Variants in SNX24 observed in about 807,000 individuals in gnomAD.
SNX24 encodes the protein sorting nexin-24.
SNX24 carries 22 observed loss-of-function variants against 28.7 expected under a neutral mutation model. The ratio of observed to expected loss-of-function variants is 0.77; its 90% CI spans 0.55 to 1.10. The LOEUF is 1.10. Ranked by LOEUF, SNX24 falls within the 50% of genes least tolerant of loss-of-function variation. SNX24 has a pLI of 0.00. For synonymous variants in SNX24, 69 were observed against 71.5 expected, an observed-to-expected ratio of 0.96 and a Z score of 0.18; for missense variants, 221 against 201.1, an observed-to-expected ratio of 1.10 and a Z score of -0.60.
At chr5:122,984,045 T>C (rs1009618112) in intron 3 of SNX24, among the ~76,000 whole-genome samples, 2 of 152,198 alleles carry the variant, frequency 1.3e-5, no homozygotes, top group African/African-American at 4.8e-5. Context: ...TATTAATTAG[T>C]GAAGAAATGC....
chr5:122,874,435 G>T (rs147243477), intron 1 of SNX24, among the ~76,000 whole-genome samples: 1 of 152,316 alleles, frequency 6.6e-6, no homozygotes, highest in Non-Finnish European at 1.5e-5. Flanking sequence ...AAAGCAGCTG[G>T]GTGAGATATC....
chr5:122,859,390 G>A (rs1473355385), intron 1 of SNX24, among the ~76,000 whole-genome samples: 1 of 152,110 alleles, frequency 6.6e-6, no homozygotes, highest in East Asian at 1.9e-4. Flanking sequence ...GATCCCTTGA[G>A]CCCAGGGATT....
intron 1 of SNX24, among the ~76,000 whole-genome samples, chr5:122,905,941 A>G (rs1757627952): frequency 6.6e-6 from 1 of 152,206 alleles, no homozygotes; most frequent in Non-Finnish European, 1.5e-5. Flanking sequence ...TTAAGTACCT[A>G]CTATGTGGTA....
chr5:122,943,418 A>C (rs907589539), intron 2 of SNX24, among the ~76,000 whole-genome samples: 4 of 152,040 alleles, frequency 2.6e-5, no homozygotes, highest in African/African-American at 7.2e-5. Flanking sequence ...ATCATCTGGC[A>C]CAGCCTGATC....
rs539155977 is a variant in SNX24 at position 122,857,123 on chromosome 5, C to T, written c.60+11430C>T. ...GCCTCCCGGGTTCAAGCAATGCTCC[C>T]GCCTCAGCCTCCCAAGTAGCTGAGA... On this transcript the variant is annotated intron_variant, in intron 1 of 6. Transcript: ENST00000261369. Among the ~76,000 whole-genome samples the T allele has an allele frequency of 1.1e-4, 16 of 151,766 alleles. No homozygotes were observed. The East Asian group carries it at 2.3e-3, about 22-fold the overall frequency.
At chr5:122,964,408 C>T (rs74999834) in intron 3 of SNX24, among the ~76,000 whole-genome samples, 3,493 of 152,138 alleles carry the variant, frequency 0.023, 120 homozygotes, top group African/African-American at 0.066. Flanking sequence ...TGTTAAACAC[C>T]TCACAATTCA....
At chr5:122,992,612 A>G (rs2150167748) in intron 3 of SNX24, among the ~76,000 whole-genome samples, 1 of 152,314 alleles carries the variant, frequency 6.6e-6, no homozygotes, top group Non-Finnish European at 1.5e-5. Context: ...CCTTCACCCT[A>G]CAGGTTAATA....
At chr5:122,897,199 G>A (rs1454602948) in intron 1 of SNX24, among the ~76,000 whole-genome samples, 2 of 152,022 alleles carry the variant, frequency 1.3e-5, no homozygotes, top group Non-Finnish European at 2.9e-5. Context: ...GTGTCACTGT[G>A]TACATTAAAT....
At chr5:122,865,237 C>T (rs1755661605) in intron 1 of SNX24, among the ~76,000 whole-genome samples, 1 of 152,246 alleles carries the variant, frequency 6.6e-6, no homozygotes, top group African/African-American at 2.4e-5. Context: ...TCCCTATCAA[C>T]TTGGTATTCA....
chr5:123,023,823 C>CAT, intron 5 of SNX24: 1 of 1,599,694 alleles, frequency 6.3e-7, no homozygotes, highest in South Asian at 1.1e-5. Flanking sequence ...CACACACACA[C>CAT]ACACACACAC....
At chr5:123,014,497 C>T (rs569857400) in intron 5 of SNX24, among the ~76,000 whole-genome samples, 4 of 151,980 alleles carry the variant, frequency 2.6e-5, no homozygotes, top group Non-Finnish European at 2.9e-5. Flanking sequence ...CAGACATGAA[C>T]GCTTAAATCA....
intron 2 of SNX24, among the ~76,000 whole-genome samples, chr5:122,945,627 T>A (rs1195274682): frequency 6.6e-6 from 1 of 152,224 alleles, no homozygotes; most frequent in East Asian, 1.9e-4. Context: ...ACAATACTTA[T>A]ATACAGTTGC....
intron 1 of SNX24, among the ~76,000 whole-genome samples, chr5:122,867,754 A>G (rs1755785565): frequency 6.6e-6 from 1 of 152,224 alleles, no homozygotes; most frequent in Admixed American, 6.5e-5. Flanking sequence ...TTTGGTGGGC[A>G]TTCACATGAG....
chr5:123,004,602 A>G (rs1762357588), intron 6 of SNX24, among the ~76,000 whole-genome samples: 1 of 151,648 alleles, frequency 6.6e-6, no homozygotes, highest in African/African-American at 2.4e-5. Context: ...CTCCATCTCA[A>G]CTCTGTCCTG....
At chr5:122,868,888 A>T (rs1755847807) in intron 1 of SNX24, among the ~76,000 whole-genome samples, 1 of 152,372 alleles carries the variant, frequency 6.6e-6, no homozygotes, top group Non-Finnish European at 1.5e-5. Flanking sequence ...AAGTAGACAC[A>T]TAAAATTAAT....
intron 1 of SNX24, among the ~76,000 whole-genome samples, chr5:122,868,590 G>A (rs1755825719): frequency 6.6e-6 from 1 of 152,102 alleles, no homozygotes; most frequent in Non-Finnish European, 1.5e-5. Flanking sequence ...TCATATGGCC[G>A]AAGTGGCAGA....
intron 3 of SNX24, among the ~76,000 whole-genome samples, chr5:122,996,315 A>G (rs919464975): frequency 6.6e-6 from 1 of 152,234 alleles, no homozygotes; most frequent in South Asian, 2.1e-4. Context: ...GCTCCAGGCC[A>G]AAGAAAAGTG....
chr5:122,989,115 T>G (rs1056039268), intron 3 of SNX24, among the ~76,000 whole-genome samples: 1 of 152,182 alleles, frequency 6.6e-6, no homozygotes, highest in African/African-American at 2.4e-5. Flanking sequence ...AACAGGACTT[T>G]ACAATCTGCA....
At chr5:122,965,488 T>C (rs1415407805) in intron 3 of SNX24, 1 of 455,162 alleles carries the variant, frequency 2.2e-6, no homozygotes, top group East Asian at 6.9e-5. Flanking sequence ...TTCTGTTGAT[T>C]TGGCTTATTT....
Sources: gnomAD v4.1 joint callset for allele counts (sites outside exome capture counted in the v4.1 genomes callset) on GRCh38, gnomAD v4.1.1 for gene constraint, MANE v1.5 for transcripts, NCBI Gene and HGNC (gene_info 2026-07-23, HGNC 2026-07-21) for gene names.